The following INTS9 variants were observed in gnomAD, a reference collection of about 807,000 sequenced individuals.
INTS9 encodes the protein integrator complex subunit 9.
A neutral mutation model predicts 79.7 loss-of-function variants in INTS9; 55 were observed. That is an observed-to-expected ratio of 0.69 (90% CI 0.56 to 0.86). INTS9 has a LOEUF of 0.86. Among genes scored for constraint, INTS9 ranks in the 40% least tolerant of loss-of-function variants. INTS9 has a pLI of 0.00. For synonymous variants in INTS9, 319 were observed against 325.2 expected (o/e 0.98, Z 0.20); for missense variants, 721 against 831.5 (o/e 0.87, Z 1.64).
chr8:28,863,782 AAAAAAC>A (rs200932831), intron 1 of INTS9, among the ~76,000 whole-genome samples: 1 of 152,110 alleles, frequency 6.6e-6, no homozygotes, highest in Non-Finnish European at 1.5e-5. Flanking sequence ...ACTCTGTCTC[AAAAAAC>A]AAAAACAAAA....
intron 6 of INTS9, among the ~76,000 whole-genome samples, chr8:28,826,144 C>A (rs918419648): frequency 6.6e-6 from 1 of 152,102 alleles, no homozygotes; most frequent in Non-Finnish European, 1.5e-5. Context: ...GTTAAATATG[C>A]CTTTTGTTTT....
chr8:28,820,206 T>A (rs1431195162), intron 6 of INTS9, among the ~76,000 whole-genome samples: 3 of 152,242 alleles, frequency 2.0e-5, no homozygotes, highest in Non-Finnish European at 2.9e-5. Context: ...TGATGTTAGC[T>A]GGTTATTTTG....
Position 28,812,434 on chromosome 8 carries a change from G to T in INTS9, c.637C>A (p.Pro213Thr). The T allele has an allele frequency of 6.2e-7, 1 of 1,614,104 alleles. No homozygotes were observed. The highest frequency in any genetic ancestry group is 2.2e-5 in the East Asian group (1 of 44,848). Residue 213 changes from proline to threonine, a missense_variant, in exon 8 of 17, where the codon CCT becomes ACT. Pro to Thr is a conservative substitution (Grantham distance 38, BLOSUM62 -1). Coordinates refer to ENST00000521022, the MANE Select transcript of INTS9 (RefSeq NM_018250.4). The part of the protein sequence containing the change: ...IELFGAVQVT[P>T]LSSGYALGSS... ...CCAAGGGCATAGCCAGAGCTCAGAG[G>T]AGTCACCTGGACCGCACCAAAAAGC...
chr8:28,874,875 T>C lies in INTS9; in HGVS notation c.9+14999A>G, dbSNP rs1022938798. ...TATTAGTCCGTTTTCACACTGCTGA[T>C]AAAGACATACCTGAGATTGGGCAGT... is the stretch of plus-strand genomic sequence containing the variant. On this transcript the variant is annotated intron_variant, in intron 1 of 16. Transcript: ENST00000521022. 3.3e-5 allele frequency among the ~76,000 whole-genome samples: 5 copies of C among 152,194 alleles called. 1 individual carries two copies. Among genetic ancestry groups the C allele is most frequent in the Non-Finnish European group, 7.4e-5 (5 of 68,026 alleles).
At chr8:28,865,150 CAG>C (rs1808670058) in intron 1 of INTS9, among the ~76,000 whole-genome samples, 1 of 151,694 alleles carries the variant, frequency 6.6e-6, no homozygotes. Flanking sequence ...AGGTAACTAG[CAG>C]AGTCAAAAAG....
At chr8:28,833,044 C>T (rs1031007360) in intron 6 of INTS9, among the ~76,000 whole-genome samples, 22 of 152,078 alleles carry the variant, frequency 1.4e-4, no homozygotes, top group Non-Finnish European at 2.9e-5. Flanking sequence ...TTAGAAGGTG[C>T]CTGGCACACA....
intron 1 of INTS9, among the ~76,000 whole-genome samples, chr8:28,867,555 A>G (rs957658961): frequency 2.3e-4 from 24 of 104,944 alleles, no homozygotes; most frequent in African/African-American, 9.0e-4. Flanking sequence ...AAAAGGCTAT[A>G]CAAACAAAAT....
chr8:28,775,836 C>G lies in INTS9; in HGVS notation c.1486G>C (p.Ala496Pro). ...ACCTCAGCCCGCCGATAGGACATGG[C>G]GGGGGGCTGGCAGTCGATCATGAGG... ...MDLMIDCQPPAMSYRRAEVLA... is the reference protein window; with the variant it reads ...MDLMIDCQPPPMSYRRAEVLA... Residue 496 changes from alanine (A) to proline (P), a missense_variant, in exon 14 of 17, where the codon GCC becomes CCC. By Grantham distance (27) the Ala-to-Pro change is conservative. Coordinates refer to ENST00000521022, the MANE Select transcript of INTS9 (RefSeq NM_018250.4). The G allele has an allele frequency of 1.2e-6, 2 of 1,613,670 alleles. No individual in the cohort carries two copies. The highest frequency in any genetic ancestry group is 1.7e-6 in the Non-Finnish European group (2 of 1,179,814).
chr8:28,842,667 C>T (rs1047275406), intron 4 of INTS9, among the ~76,000 whole-genome samples: 1 of 146,936 alleles, frequency 6.8e-6, no homozygotes, highest in Non-Finnish European at 1.5e-5. Flanking sequence ...TCACCTCCCA[C>T]TTTTTTTTTT....
At chr8:28,787,370 C>G (rs1323490369) in intron 11 of INTS9, among the ~76,000 whole-genome samples, 1 of 152,150 alleles carries the variant, frequency 6.6e-6, no homozygotes, top group African/African-American at 2.4e-5. Flanking sequence ...TAATATGTAT[C>G]GAAATACAAT....
Position 28,844,368 on chromosome 8 carries a change from C to G in INTS9, c.261+2379G>C, listed in dbSNP as rs181741084. On this transcript the variant is annotated intron_variant, in intron 4 of 16. Transcript: ENST00000521022. ...CCAGCTTGGGCAACAAGGCAAAACC[C>G]CATCTCTACAAAAAATACAAAATTA... 7.2e-5 allele frequency among the ~76,000 whole-genome samples: 11 copies of G among 151,880 alleles called. No homozygotes were observed. The East Asian group carries it at 2.1e-3, about 30-fold the overall frequency.
chr8:28,880,267 CCTCTCCCTCTCT>C (rs893019827), intron 1 of INTS9, among the ~76,000 whole-genome samples: 3 of 118,196 alleles, frequency 2.5e-5, no homozygotes, highest in South Asian at 5.4e-4. Flanking sequence ...TCTCCCTCTC[CCTCTCCCTCTCT>C]CTCCCTCCAC....
chr8:28,775,771 CTCGATCTTCTCGTA>C lies in INTS9; in HGVS notation c.1537_1550del (p.Tyr513AspfsTer32). ...GAGAACAGCTCACCTCTGGCATGAT[CTCGATCTTCTCGTA>C]CCGACGTTTGAAGGGCAGGGCGAGA... On this transcript the variant is annotated frameshift_variant, in exon 14 of 17. Transcript: ENST00000521022. LOFTEE classifies it high-confidence loss of function. 1.2e-6 allele frequency: 2 copies of C among 1,614,104 alleles called. No individual in the cohort carries two copies. The highest frequency in any genetic ancestry group is 1.7e-6 in the Non-Finnish European group (2 of 1,180,026).
chr8:28,817,745 C>G (rs1032751563), intron 6 of INTS9, among the ~76,000 whole-genome samples: 1 of 116,212 alleles, frequency 8.6e-6, no homozygotes, highest in Non-Finnish European at 1.8e-5. Context: ...TTACCTTGGG[C>G]AGTGTGGCCA....
At chr8:28,776,739 A>T (rs775120166) in intron 13 of INTS9, among the ~76,000 whole-genome samples, 1 of 152,100 alleles carries the variant, frequency 6.6e-6, no homozygotes. Context: ...AAAGCATCTC[A>T]TGCCACAGGT....
At chr8:28,877,244 C>T (rs1346643693) in intron 1 of INTS9, among the ~76,000 whole-genome samples, 1 of 151,796 alleles carries the variant, frequency 6.6e-6, no homozygotes, top group Non-Finnish European at 1.5e-5. Context: ...TAGTTTACTA[C>T]TGGAATATTA....
intron 11 of INTS9, among the ~76,000 whole-genome samples, chr8:28,786,565 T>G (rs1803602768): frequency 6.6e-6 from 1 of 152,116 alleles, no homozygotes; most frequent in Non-Finnish European, 1.5e-5. Flanking sequence ...AGTGTTGGGA[T>G]TATAGGTGTG....
intron 6 of INTS9, among the ~76,000 whole-genome samples, chr8:28,821,342 A>G (rs1206059184): frequency 2.0e-5 from 3 of 152,226 alleles, no homozygotes; most frequent in Non-Finnish European, 4.4e-5. Context: ...AGGAAGAAGC[A>G]AAAGCGGAAG....
At chr8:28,824,817 A>G (rs545633537) in intron 6 of INTS9, among the ~76,000 whole-genome samples, 3 of 152,338 alleles carry the variant, frequency 2.0e-5, no homozygotes, top group Non-Finnish European at 4.4e-5. Context: ...TCTGGGAGTT[A>G]GCTCTTCACC....
Sources: allele counts gnomAD v4.1 joint callset (sites outside exome capture counted in the v4.1 genomes callset), GRCh38; gene constraint gnomAD v4.1.1; transcripts MANE v1.5; gene names NCBI Gene and HGNC (gene_info 2026-07-23, HGNC 2026-07-21).